The following FARS2 variants were observed in gnomAD, a reference collection of about 807,000 sequenced individuals.
FARS2 encodes phenylalanine--tRNA ligase, mitochondrial.
FARS2 carries 40 observed loss-of-function variants against 46.4 expected under a neutral mutation model. That is an observed-to-expected ratio of 0.86 (90% CI 0.67 to 1.12). The LOEUF (loss-of-function observed/expected upper bound fraction) is 1.12, where lower values mean the gene tolerates loss of function less well. FARS2 is among the 50% of genes most tolerant of loss of function. FARS2 has a pLI of 0.00. For missense variants in FARS2, 513 were observed against 567.9 expected, an observed-to-expected ratio of 0.90 and a Z score of 0.98; for synonymous variants, 234 against 214.9, an observed-to-expected ratio of 1.09 and a Z score of -0.78.
intron 1 of FARS2, among the ~76,000 whole-genome samples, chr6:5,289,018 A>G (rs1028327813): frequency 2.0e-5 from 3 of 152,210 alleles, no homozygotes; most frequent in African/African-American, 7.2e-5. Flanking sequence ...TACATTTACT[A>G]CACTTTCTTC....
At chr6:5,389,089 A>G (rs1252816790) in intron 2 of FARS2, among the ~76,000 whole-genome samples, 2 of 152,138 alleles carry the variant, frequency 1.3e-5, no homozygotes, top group Non-Finnish European at 2.9e-5. Flanking sequence ...TTCCTTCCTA[A>G]TTAAGCTGCT....
intron 4 of FARS2, among the ~76,000 whole-genome samples, chr6:5,510,483 C>T (rs765198020): frequency 6.6e-6 from 1 of 152,210 alleles, no homozygotes; most frequent in Admixed American, 6.5e-5. Context: ...GCCTGTCTTT[C>T]GCCCTAGTTA....
chr6:5,550,998 C>T (rs1181999595), intron 5 of FARS2, among the ~76,000 whole-genome samples: 5 of 152,156 alleles, frequency 3.3e-5, no homozygotes, highest in Admixed American at 6.6e-5. Flanking sequence ...TTTCTTTCAG[C>T]AAAACCCCTA....
chr6:5,516,234 A>C (rs1768782184), intron 4 of FARS2, among the ~76,000 whole-genome samples: 2 of 152,206 alleles, frequency 1.3e-5, no homozygotes, highest in Admixed American at 1.3e-4. Flanking sequence ...TTTCACTTTC[A>C]CACATACTTT....
chr6:5,577,006 C>T (rs1300704360), intron 5 of FARS2, among the ~76,000 whole-genome samples: 4 of 151,740 alleles, frequency 2.6e-5, no homozygotes, highest in Admixed American at 1.3e-4. Context: ...AGGGTATACA[C>T]CTATATAAAA....
intron 6 of FARS2, among the ~76,000 whole-genome samples, chr6:5,700,272 C>A (rs1582793643): frequency 6.6e-6 from 1 of 152,188 alleles, no homozygotes; most frequent in South Asian, 2.1e-4. Context: ...TACTATGTAT[C>A]TTTTTTTGTT....
At chr6:5,531,958 C>T (rs1769867875) in intron 4 of FARS2, among the ~76,000 whole-genome samples, 1 of 152,200 alleles carries the variant, frequency 6.6e-6, no homozygotes, top group Non-Finnish European at 1.5e-5. Flanking sequence ...ACGTGGATGC[C>T]TTCATTCAAT....
chr6:5,263,329 C>T (rs1300097675), intron 1 of FARS2, among the ~76,000 whole-genome samples: 5 of 152,160 alleles, frequency 3.3e-5, no homozygotes, highest in Non-Finnish European at 5.9e-5. Flanking sequence ...TCTGTTAGTA[C>T]GAGCAATGGT....
At chr6:5,322,481 G>A (rs2127566295) in intron 1 of FARS2, among the ~76,000 whole-genome samples, 1 of 152,322 alleles carries the variant, frequency 6.6e-6, no homozygotes, top group Non-Finnish European at 1.5e-5. Flanking sequence ...CCAGAATGAA[G>A]GCAGATTGTT....
chr6:5,562,693 T>TACACAC (rs1491167694), intron 5 of FARS2, among the ~76,000 whole-genome samples: 2 of 99,334 alleles, frequency 2.0e-5, no homozygotes, highest in African/African-American at 9.8e-5. Flanking sequence ...CACTGTAATT[T>TACACAC]ATACACACAC....
At chr6:5,736,508 G>A (rs1308764999) in intron 6 of FARS2, among the ~76,000 whole-genome samples, 1 of 152,152 alleles carries the variant, frequency 6.6e-6, no homozygotes, top group African/African-American at 2.4e-5. Flanking sequence ...AAAAAGACCA[G>A]CGCAAATAGG....
intron 2 of FARS2, among the ~76,000 whole-genome samples, chr6:5,377,991 A>C (rs1341619340): frequency 2.0e-5 from 3 of 152,228 alleles, no homozygotes; most frequent in African/African-American, 7.2e-5. Context: ...TTACATAATT[A>C]ATATATAATT....
At chr6:5,389,070 G>T (rs1760319987) in intron 2 of FARS2, among the ~76,000 whole-genome samples, 2 of 152,078 alleles carry the variant, frequency 1.3e-5, no homozygotes, top group Admixed American at 6.6e-5. Flanking sequence ...TACTCAGAGA[G>T]TAAGATTTTT....
intron 6 of FARS2, among the ~76,000 whole-genome samples, chr6:5,675,830 C>T (rs187427983): frequency 1.1e-3 from 171 of 152,226 alleles, no homozygotes; most frequent in South Asian, 1.2e-3. Flanking sequence ...CTAACATATC[C>T]GGTAGGAAGT....
chr6:5,407,897 A>G (rs926009685), intron 3 of FARS2, among the ~76,000 whole-genome samples: 1 of 152,200 alleles, frequency 6.6e-6, no homozygotes, highest in African/African-American at 2.4e-5. Flanking sequence ...TGTTCAGGCC[A>G]TTTTAGAGGC....
intron 2 of FARS2, among the ~76,000 whole-genome samples, chr6:5,393,654 T>TA (rs962803073): frequency 2.0e-5 from 3 of 151,704 alleles, no homozygotes; most frequent in South Asian, 2.1e-4. Context: ...AGACTCCACC[T>TA]AAAAAAAAGG....
At chr6:5,431,223 C>T in intron 4 of FARS2, 51 bp downstream of exon 4, 1 of 1,593,970 alleles carries the variant, frequency 6.3e-7, no homozygotes, top group South Asian at 1.1e-5. Context: ...GGAACCCTCC[C>T]TTCTCAGGCA....
At chr6:5,312,322 T>C (rs1222362176) in intron 1 of FARS2, among the ~76,000 whole-genome samples, 5 of 152,226 alleles carry the variant, frequency 3.3e-5, no homozygotes, top group African/African-American at 4.8e-5. Flanking sequence ...TATGTCTGTG[T>C]AGTATTTTTT....
chr6:5,735,357 A>G (rs182437481), intron 6 of FARS2, among the ~76,000 whole-genome samples: 1 of 152,180 alleles, frequency 6.6e-6, no homozygotes, highest in Admixed American at 6.5e-5. Context: ...TGGTGTGTGT[A>G]GCTCACCAGG....
Sources: gnomAD v4.1 joint callset for allele counts (sites outside exome capture counted in the v4.1 genomes callset) on GRCh38, gnomAD v4.1.1 for gene constraint, MANE v1.5 for transcripts, NCBI Gene and HGNC (gene_info 2026-07-23, HGNC 2026-07-21) for gene names.